The following BICD2 variants were observed in gnomAD, a reference collection of about 807,000 sequenced individuals.
BICD2 encodes protein bicaudal D homolog 2.
A neutral mutation model predicts 72.9 loss-of-function variants in BICD2; 25 were observed. The observed-to-expected ratio is 0.34, with a 90% CI of 0.25 to 0.48. The LOEUF (loss-of-function observed/expected upper bound fraction) is 0.48, where lower values mean the gene tolerates loss of function less well. BICD2 is among the 20% of genes least tolerant of loss of function. BICD2 has a pLI of 0.99. For synonymous variants in BICD2, 501 were observed against 516.1 expected (o/e 0.97, Z 0.40); for missense variants, 894 against 1,175.2 (o/e 0.76, Z 3.50).
chr9:92,760,844 T>C (rs762490224), intron 1 of BICD2, among the ~76,000 whole-genome samples: 7 of 152,132 alleles, frequency 4.6e-5, no homozygotes, highest in Non-Finnish European at 8.8e-5. Context: ...TGTTCAGAAA[T>C]GGACACAACA....
chr9:92,729,373 C>T, intron 1 of BICD2, 137 bp from the exon 2 acceptor site: 1 of 908,472 alleles, frequency 1.1e-6, no homozygotes, highest in Non-Finnish European at 1.7e-6. Flanking sequence ...GGGAGGCCCC[C>T]TGACCTGGGA....
In BICD2 at chr9:92,714,431, C is replaced by G; in HGVS notation, c.*723G>C. 1 of 985,518 alleles carries G rather than the reference C, an allele frequency of 1.0e-6. No homozygotes were observed. The highest frequency in any genetic ancestry group is 1.2e-6 in the Non-Finnish European group (1 of 829,970). 61.0% of individuals were successfully genotyped at this position (985,518 alleles called of 1,614,324 possible). On this transcript the variant is annotated 3_prime_UTR_variant, in exon 7 of 7. Coordinates refer to ENST00000356884, the MANE Select transcript of BICD2 (RefSeq NM_001003800.2). ...ACCTGGGGCCTTGGGCCCTGCCAAT[C>G]TGTCACCTCACAGGCCACTATACAA... is the stretch of plus-strand genomic sequence containing the variant.
chr9:92,732,064 C>T (rs747497373), intron 1 of BICD2, among the ~76,000 whole-genome samples: 2 of 152,196 alleles, frequency 1.3e-5, no homozygotes, highest in African/African-American at 2.4e-5. Flanking sequence ...CATCTCCCAA[C>T]AGGTGAGGTC....
intron 1 of BICD2, among the ~76,000 whole-genome samples, chr9:92,751,198 T>C (rs1854143294): frequency 6.6e-6 from 1 of 152,042 alleles, no homozygotes; most frequent in Non-Finnish European, 1.5e-5. Flanking sequence ...TCCCCCAGGT[T>C]GGAATGCAGT....
At chr9:92,735,742 A>T (rs757154768) in intron 1 of BICD2, among the ~76,000 whole-genome samples, 3 of 152,100 alleles carry the variant, frequency 2.0e-5, no homozygotes, top group Admixed American at 6.5e-5. Flanking sequence ...CTCATCCACG[A>T]GCATGGCAGA....
intron 1 of BICD2, among the ~76,000 whole-genome samples, chr9:92,739,878 C>T (rs1853863732): frequency 6.6e-6 from 1 of 152,204 alleles, no homozygotes; most frequent in African/African-American, 2.4e-5. Context: ...GGAAGGTCTG[C>T]ATGTGCTGTT....
Position 92,764,524 on chromosome 9 carries a change from T to C in BICD2, c.221A>G (p.Glu74Gly), listed in dbSNP as rs1348815480. The change falls in exon 1 of 7, where the codon GAG becomes GGG. Residue 74 changes from glutamate (E) to glycine (G), a missense_variant. By Grantham distance (98) the Glu-to-Gly change is moderately conservative (BLOSUM62 -2). Around this residue, in one of 5 missense-constraint regions of BICD2, gnomAD observed 192 missense variants for 243.6 expected, o/e 0.79. Transcript: ENST00000356884. The surrounding 1 kb of genome is among the most constrained non-coding windows in gnomAD (Gnocchi z 5.5). ...LEVDYEAIRS[E>G]MEQLKEAFGQ... ...GCTCACCTCCTTGAGCTGCTCCATC[T>C]CGCTGCGGATAGCCTCATAGTCCAC... The C allele has an allele frequency of 6.5e-7, 1 of 1,536,368 alleles. No homozygotes were observed. Among genetic ancestry groups the C allele is most frequent in the Admixed American group, 2.0e-5 (1 of 48,968 alleles).
chr9:92,726,545 A>C (rs1853571471), intron 2 of BICD2, among the ~76,000 whole-genome samples: 1 of 152,154 alleles, frequency 6.6e-6, no homozygotes, highest in African/African-American at 2.4e-5. Flanking sequence ...AGGCAGCAGA[A>C]GACAAGAGCT....
At chr9:92,742,686 T>G (rs1853921653) in intron 1 of BICD2, among the ~76,000 whole-genome samples, 1 of 151,948 alleles carries the variant, frequency 6.6e-6, no homozygotes, top group South Asian at 2.1e-4. Flanking sequence ...CCCGGCCTAA[T>G]TCCACATTTC....
At chr9:92,723,120 T>C (rs1395427969) in intron 2 of BICD2, among the ~76,000 whole-genome samples, 1 of 152,214 alleles carries the variant, frequency 6.6e-6, no homozygotes, top group African/African-American at 2.4e-5. Flanking sequence ...CCTTCTATTA[T>C]TGGGCATGTA....
intron 1 of BICD2, among the ~76,000 whole-genome samples, chr9:92,763,137 T>C (rs1854405324): frequency 6.6e-6 from 1 of 152,184 alleles, no homozygotes; most frequent in Non-Finnish European, 1.5e-5. Context: ...CAGCTCCTGC[T>C]GGCCCAGGGT....
At chr9:92,748,992 A>G (rs1854084303) in intron 1 of BICD2, among the ~76,000 whole-genome samples, 1 of 151,812 alleles carries the variant, frequency 6.6e-6, no homozygotes, top group Admixed American at 6.6e-5. Flanking sequence ...GGGAGGGGCA[A>G]GGGGGTAACA....
Position 92,719,556 on chromosome 9 carries a change from C to G in BICD2, c.1089G>C (p.Leu363=). Residue 363 remains leucine, a synonymous_variant, in exon 5 of 7, where the codon CTG becomes CTC. Transcript: ENST00000356884. Reference sequence around the variant, plus strand: ...GCTTCTGTGTGTCCTGCAGCGTTGCCAGCAGGCCCGCCTTTTCCCGCTCCA... The same window carrying G: ...GCTTCTGTGTGTCCTGCAGCGTTGCGAGCAGGCCCGCCTTTTCCCGCTCCA... ...MQMEREKAGL[L]ATLQDTQKQL... 1 of 1,605,322 alleles carries G rather than the reference C, an allele frequency of 6.2e-7. No individual in the cohort carries two copies.
chr9:92,728,482 C>T (rs1335139013), intron 2 of BICD2, among the ~76,000 whole-genome samples: 4 of 152,252 alleles, frequency 2.6e-5, no homozygotes, highest in Non-Finnish European at 4.4e-5. Context: ...TCCCTGCGGG[C>T]ACTCTGCTGT....
chr9:92,715,497 C>T, intron 6 of BICD2, 34 bp from the exon 7 acceptor site: 1 of 1,548,950 alleles, frequency 6.5e-7, no homozygotes, highest in African/African-American at 1.4e-5. Flanking sequence ...GAGGGGCGGG[C>T]AGAGCCGAGC....
At chr9:92,747,768 A>C (rs1250194863) in intron 1 of BICD2, among the ~76,000 whole-genome samples, 1 of 152,184 alleles carries the variant, frequency 6.6e-6, no homozygotes, top group African/African-American at 2.4e-5. Context: ...GCCCACGTCC[A>C]CCACACATCT....
In BICD2 at chr9:92,719,190, G is replaced by T; in HGVS notation, c.1455C>A (p.Val485=). ...EAEGQALTEK[V]SLLEKASRQD... ...GGCGGCTGGCCTTCTCTAGCAGGGA[G>T]ACCTTCTCCGTGAGTGCCTGGCCCT... The change falls in exon 5 of 7, where the codon GTC becomes GTA. Residue 485 remains valine (V), a synonymous_variant. Coordinates refer to ENST00000356884, the MANE Select transcript of BICD2 (RefSeq NM_001003800.2). The T allele has an allele frequency of 6.2e-7, 1 of 1,610,706 alleles. No individual in the cohort carries two copies. Among genetic ancestry groups the T allele is most frequent in the Non-Finnish European group, 8.5e-7 (1 of 1,179,984 alleles).
At chr9:92,740,049 C>G (rs1240770200) in intron 1 of BICD2, among the ~76,000 whole-genome samples, 1 of 152,198 alleles carries the variant, frequency 6.6e-6, no homozygotes, top group East Asian at 1.9e-4. Flanking sequence ...ATTAAACTCA[C>G]TCATAGGTTA....
In BICD2 at chr9:92,713,242, G is replaced by A. The variant is rs753499051; in HGVS notation, c.*1912C>T. The A allele has an allele frequency of 1.3e-5, 8 of 603,422 alleles. No homozygotes were observed. Among genetic ancestry groups the A allele is most frequent in the East Asian group, 2.9e-5 (1 of 34,918 alleles). 37.4% of individuals were successfully genotyped at this position (603,422 alleles called of 1,614,324 possible). On this transcript the variant is annotated 3_prime_UTR_variant, in exon 7 of 7. Coordinates refer to ENST00000356884, the MANE Select transcript of BICD2 (RefSeq NM_001003800.2). ...TCGGCCCATACAGAGGCCTTTCCAC[G>A]CAGCAGCTCGCAGCATGCTCAACAT...
Sources: gnomAD v4.1 joint callset for allele counts (sites outside exome capture counted in the v4.1 genomes callset) on GRCh38, gnomAD v4.1.1 for gene constraint, gnomAD v4.1.1 regional missense constraint, Gnocchi (gnomAD v3.1) non-coding constraint, MANE v1.5 for transcripts, NCBI Gene and HGNC (gene_info 2026-07-23, HGNC 2026-07-21) for gene names.